AKNAD1: variants seen among roughly 807,000 people sequenced by gnomAD.
AKNAD1 encodes the protein AKNA domain containing 1.
In AKNAD1, 67 loss-of-function variants were observed where a neutral mutation model predicts 90.8. The ratio of observed to expected loss-of-function variants is 0.74; its 90% CI spans 0.61 to 0.90. The LOEUF is 0.90. AKNAD1 is among the 40% of genes least tolerant of loss of function. The pLI is 0.00. For missense variants in AKNAD1, 957 were observed against 975.4 expected, an observed-to-expected ratio of 0.98 and a Z score of 0.25; for synonymous variants, 327 against 341.4, an observed-to-expected ratio of 0.96 and a Z score of 0.46.
At chr1:108,830,469 C>T in intron 10 of AKNAD1, 90 bp downstream of exon 10, 1 of 1,254,384 alleles carries the variant, frequency 8.0e-7, no homozygotes, top group Non-Finnish European at 1.1e-6. Flanking sequence ...AGCCAGTGGC[C>T]TCAGTTAGTT....
At chr1:108,843,856 A>G (rs944648309) in intron 5 of AKNAD1, among the ~76,000 whole-genome samples, 2 of 152,192 alleles carry the variant, frequency 1.3e-5, no homozygotes, top group Non-Finnish European at 2.9e-5. Flanking sequence ...CACTACGTGC[A>G]GCCTCAAGCA....
intron 10 of AKNAD1, 40 bp from the exon 11 acceptor site, chr1:108,827,342 A>C: frequency 7.0e-7 from 1 of 1,427,736 alleles, no homozygotes; most frequent in Non-Finnish European, 9.8e-7. Context: ...CTTTTAGTGC[A>C]TTTCCAATAG....
chr1:108,852,025 C>T lies in AKNAD1; in HGVS notation c.640G>A (p.Val214Ile), dbSNP rs199541182. Residue 214 changes from valine (V) to isoleucine (I), a missense_variant, in exon 2 of 16, where the codon GTT (valine) becomes ATT (isoleucine). Coordinates refer to ENST00000370001, the MANE Select transcript of AKNAD1 (RefSeq NM_152763.5). ...CCTGGACCCTTGGTTTTAGTTAGAA[C>T]ATTCACATTTTCTTGATGGCTGCTA... ...GDSSHQENVN[V>I]LTKTKGPGDK... The T allele has an allele frequency of 6.2e-6, 10 of 1,613,918 alleles. No homozygotes were observed. The highest frequency in any genetic ancestry group is 8.5e-6 in the Non-Finnish European group (10 of 1,179,998).
intron 13 of AKNAD1, among the ~76,000 whole-genome samples, chr1:108,821,275 A>G (rs1332169385): frequency 1.3e-5 from 2 of 152,032 alleles, no homozygotes; most frequent in African/African-American, 4.8e-5. Context: ...ACATGGTGAA[A>G]CCCTGTCTCT....
chr1:108,851,932 T>G lies in AKNAD1; in HGVS notation c.733A>C (p.Asn245His). The G allele has an allele frequency of 6.2e-7, 1 of 1,614,260 alleles. No homozygotes were observed. Among genetic ancestry groups the G allele is most frequent in the Non-Finnish European group, 8.5e-7 (1 of 1,180,042 alleles). ...KQQTEKANSGNTFKYGQGQVH... is the reference protein window; with the variant it reads ...KQQTEKANSGHTFKYGQGQVH... Reference sequence around the variant, plus strand: ...TGACCTTGGCCGTATTTGAACGTGTTGCCTGAATTTGCTTTTTCAGTCTGC... The same window carrying G: ...TGACCTTGGCCGTATTTGAACGTGTGGCCTGAATTTGCTTTTTCAGTCTGC... Residue 245 changes from asparagine to histidine, a missense_variant, in exon 2 of 16, where the codon AAC (asparagine) becomes CAC (histidine). By Grantham distance (68) the Asn-to-His change is moderately conservative. Transcript: ENST00000370001.
rs1440869943 is a variant in AKNAD1 at position 108,830,576 on chromosome 1, A to G, written c.1821T>C (p.Cys607=). Residue 607 remains cysteine (C), a synonymous_variant, in exon 10 of 16, where the codon TGT becomes TGC. Coordinates refer to ENST00000370001, the MANE Select transcript of AKNAD1 (RefSeq NM_152763.5). The part of the protein sequence containing the change: ...MTAPSPSCAF[C]RRLLEWKQNV... ...GCCCTCACCATTCAAGGAGCCTGCG[A>G]CAGAAGGCACAGCTCGGACTGGGTG... The G allele has an allele frequency of 6.2e-7, 1 of 1,613,970 alleles. No homozygotes were observed. Among genetic ancestry groups the G allele is most frequent in the Non-Finnish European group, 8.5e-7 (1 of 1,180,024 alleles).
chr1:108,857,913 A>G (rs1427256618), upstream of AKNAD1: 2 of 152,342 alleles, frequency 1.3e-5, no homozygotes, highest in Non-Finnish European at 2.9e-5. Context: ...GAATGTGAAT[A>G]GTGTACATCT....
intron 3 of AKNAD1, 89 bp downstream of exon 3, chr1:108,849,448 C>T: frequency 1.2e-6 from 1 of 849,894 alleles, no homozygotes; most frequent in Non-Finnish European, 2.0e-6. Flanking sequence ...TGCTGCACTC[C>T]AGCCTGGGTG....
intron 14 of AKNAD1, among the ~76,000 whole-genome samples, chr1:108,819,919 C>CAAAAAA (rs71591113): frequency 7.7e-6 from 1 of 129,068 alleles, no homozygotes. Context: ...GAATTAACAG[C>CAAAAAA]AAAAAAAAAA....
rs754432020 is a variant in AKNAD1 at position 108,834,480 on chromosome 1, G to T, written c.1713C>A (p.Asp571Glu). Residue 571 changes from aspartate to glutamate, a missense_variant, in exon 9 of 16, where the codon GAC (aspartate) becomes GAA (glutamate). Coordinates refer to ENST00000370001, the MANE Select transcript of AKNAD1 (RefSeq NM_152763.5). ...TAGAAGACAGCCTCATGGCCACTTG[G>T]TCTGGCTTGTTCTGGGCAGCTGCAT... ...YGDAAAQNKP[D>E]QVAMRLSSNS... 2 of 1,611,078 alleles carry T rather than the reference G, an allele frequency of 1.2e-6. No individual in the cohort carries two copies. Among genetic ancestry groups the T allele is most frequent in the East Asian group, 2.2e-5 (1 of 44,850 alleles).
At chr1:108,848,873 G>A in intron 4 of AKNAD1, 39 bp downstream of exon 4, 1 of 1,599,556 alleles carries the variant, frequency 6.3e-7, no homozygotes, top group Non-Finnish European at 8.5e-7. Flanking sequence ...TGTGAATTTG[G>A]TTACTTATAT....
chr1:108,823,504 T>A (rs140828781), intron 12 of AKNAD1, 27 bp from the exon 13 acceptor site: 4 of 1,611,164 alleles, frequency 2.5e-6, no homozygotes, highest in Non-Finnish European at 2.5e-6. Context: ...AAAAATACAG[T>A]TAATTGCCTG....
At chr1:108,818,792 G>A (rs576238071) in intron 14 of AKNAD1, among the ~76,000 whole-genome samples, 1 of 151,750 alleles carries the variant, frequency 6.6e-6, no homozygotes, top group Non-Finnish European at 1.5e-5. Context: ...GCGAAACCCC[G>A]TCTCTACTAA....
At chr1:108,825,233 A>G (rs1198248611) in intron 11 of AKNAD1, among the ~76,000 whole-genome samples, 2 of 151,698 alleles carry the variant, frequency 1.3e-5, no homozygotes, top group Non-Finnish European at 2.9e-5. Context: ...ACCCAGCTAA[A>G]GTGCTCCCAA....
chr1:108,821,177 G>A (rs531563937), intron 13 of AKNAD1, among the ~76,000 whole-genome samples: 29 of 152,288 alleles, frequency 1.9e-4, no homozygotes, highest in Admixed American at 5.9e-4. Flanking sequence ...TAGGCCAGGC[G>A]TGGTGGCTCA....
intron 2 of AKNAD1, among the ~76,000 whole-genome samples, chr1:108,850,654 GA>G (rs940377301): frequency 6.6e-6 from 1 of 151,722 alleles, no homozygotes; most frequent in African/African-American, 2.4e-5. Context: ...GAGAGAGAGA[GA>G]AAAATCACTT....
chr1:108,849,210 G>C, intron 3 of AKNAD1, 150 bp from the exon 4 acceptor site: 2 of 741,940 alleles, frequency 2.7e-6, no homozygotes, highest in Non-Finnish European at 4.1e-6. Context: ...GCCAGGCACA[G>C]TGGCTCACAC....
rs35868464 is a variant in AKNAD1, at chr1:108,832,211, C to CTTT, written c.1747-1564_1747-1562dup. On this transcript the variant is annotated intron_variant, in intron 9 of 15. Coordinates refer to ENST00000370001, the MANE Select transcript of AKNAD1 (RefSeq NM_152763.5). ...ACCTATCTGACTGGTATGCTGTGTT[C>CTTT]TTTTTTTTTTTTTTTTTTTTTTGAG... Among the ~76,000 whole-genome samples the CTTT allele has an allele frequency of 4.6e-3, 423 of 91,622 alleles. 3 individuals are homozygous for CTTT. Among genetic ancestry groups the CTTT allele is most frequent in the African/African-American group, 6.7e-3 (145 of 21,772 alleles). The allele number at this position is 91,622 out of a possible 152,430, so 60.1% of individuals were successfully genotyped here. A position where few individuals can be genotyped will look rare whatever the true frequency, so the allele number is the denominator to read the frequency against.
chr1:108,817,445 T>C (rs1663647630), intron 14 of AKNAD1: 1 of 262,520 alleles, frequency 3.8e-6, no homozygotes, highest in South Asian at 1.7e-4. Flanking sequence ...TCTAAACACA[T>C]TTTTTATTCC....
Sources: allele counts gnomAD v4.1 joint callset (sites outside exome capture counted in the v4.1 genomes callset), GRCh38; gene constraint gnomAD v4.1.1; transcripts MANE v1.5; gene names NCBI Gene and HGNC (gene_info 2026-07-23, HGNC 2026-07-21).